Variants in TC2N observed in about 807,000 individuals in gnomAD.
TC2N encodes the protein tandem C2 domains, nuclear, also known as tandem C2 domains nuclear protein.
A neutral mutation model predicts 61.9 loss-of-function variants in TC2N; 51 were observed. The observed-to-expected ratio is 0.82, with a 90% CI of 0.66 to 1.04. The LOEUF (loss-of-function observed/expected upper bound fraction) is 1.04. Among genes scored for constraint, TC2N ranks in the 50% least tolerant of loss-of-function variants. The probability of loss-of-function intolerance (pLI) is 0.00; values close to 1 mark genes in which losing one functional copy is unlikely to be tolerated. For missense variants in TC2N, 556 were observed against 566.7 expected (o/e 0.98, Z 0.19); for synonymous variants, 204 against 192.6 (o/e 1.06, Z -0.49).
chr14:91,812,601 T>A, intron 2 of TC2N, 56 bp from the exon 3 acceptor site: 1 of 840,606 alleles, frequency 1.2e-6, no homozygotes, highest in South Asian at 1.8e-5. Context: ...CATATAATAA[T>A]CTAAACCTAG....
chr14:91,812,938 A>G (rs1323067047), intron 2 of TC2N, among the ~76,000 whole-genome samples: 1 of 151,842 alleles, frequency 6.6e-6, no homozygotes, highest in Non-Finnish European at 1.5e-5. Context: ...CGTAGCTTCT[A>G]TGACCCATTT....
At chr14:91,802,482 C>G in intron 3 of TC2N, 61 bp from the exon 4 acceptor site, 1 of 1,505,516 alleles carries the variant, frequency 6.6e-7, no homozygotes, top group Non-Finnish European at 9.1e-7. Context: ...TAGCCAACAG[C>G]TGGTACACCC....
chr14:91,781,601 C>T lies in TC2N; in HGVS notation c.*1499G>A, dbSNP rs1192824959. On this transcript the variant is annotated 3_prime_UTR_variant, in exon 12 of 12. Transcript: ENST00000435962. ...CAATTTTTAAAAGTTGTATTCGTCT[C>T]AGATTCAAAATATTATCACACAGGT... 6.6e-6 allele frequency: 1 copy of T among 152,084 alleles called. No homozygotes were observed. 9.4% of individuals were successfully genotyped at this position (152,084 alleles called of 1,614,324 possible).
At chr14:91,818,188 T>C (rs1405392870) in intron 1 of TC2N, among the ~76,000 whole-genome samples, 1 of 152,004 alleles carries the variant, frequency 6.6e-6, no homozygotes, top group Non-Finnish European at 1.5e-5. Flanking sequence ...CATAACAGAC[T>C]ACTGTAGAAT....
chr14:91,830,353 G>A (rs1208869414), intron 1 of TC2N, among the ~76,000 whole-genome samples: 1 of 152,148 alleles, frequency 6.6e-6, no homozygotes. Context: ...CCATATGATG[G>A]AATACTATTC....
chr14:91,813,780 T>G lies in TC2N; in HGVS notation c.-11A>C. 6.3e-7 allele frequency: 1 copy of G among 1,597,592 alleles called. No individual in the cohort carries two copies. The highest frequency in any genetic ancestry group is 8.6e-7 in the Non-Finnish European group (1 of 1,166,786). On this transcript the variant is annotated 5_prime_UTR_variant, in exon 2 of 12. Coordinates refer to ENST00000435962, the MANE Select transcript of TC2N (RefSeq NM_001128596.3). ...AAATTCTGTTGCCATTACATTCAAT[T>G]TCCAATATCCAGCAAAAGACACAAA...
chr14:91,840,640 A>G (rs544005443), intron 1 of TC2N, among the ~76,000 whole-genome samples: 34 of 152,302 alleles, frequency 2.2e-4, no homozygotes, highest in Middle Eastern at 6.8e-3. Context: ...TGTTACTCAA[A>G]GTCTAGTATA....
intron 5 of TC2N, among the ~76,000 whole-genome samples, chr14:91,800,006 C>T (rs901695371): frequency 3.3e-5 from 5 of 152,114 alleles, no homozygotes; most frequent in African/African-American, 1.2e-4. Flanking sequence ...TTTAATTACA[C>T]CATTTTAAAT....
chr14:91,829,433 T>A (rs1887649511), intron 1 of TC2N, among the ~76,000 whole-genome samples: 1 of 152,160 alleles, frequency 6.6e-6, no homozygotes, highest in Non-Finnish European at 1.5e-5. Flanking sequence ...GTTCATTCAA[T>A]CTCTTTGTGG....
rs1885205732 is a variant in TC2N at position 91,783,179 on chromosome 14, T to G, written c.1394A>C (p.Glu465Ala). 3.1e-6 allele frequency: 5 copies of G among 1,610,982 alleles called. No individual in the cohort carries two copies. Among genetic ancestry groups the G allele is most frequent in the Non-Finnish European group, 3.4e-6 (4 of 1,177,810 alleles). Residue 465 changes from glutamate (E) to alanine (A), a missense_variant, in exon 12 of 12, where the codon GAA becomes GCA. Transcript: ENST00000435962. ...IWISEDSNNI[E>A]AVNQWKETVI... is the part of the protein sequence containing the mutation. Reference sequence around the variant, plus strand: ...TGTCTCTTTCCACTGGTTCACTGCTTCAATGTTATTACTGTCTTCACTTAT... The same window carrying G: ...TGTCTCTTTCCACTGGTTCACTGCTGCAATGTTATTACTGTCTTCACTTAT...
At chr14:91,821,510 T>TATG (rs1265939304) in intron 1 of TC2N, among the ~76,000 whole-genome samples, 1 of 151,906 alleles carries the variant, frequency 6.6e-6, no homozygotes, top group Non-Finnish European at 1.5e-5. Context: ...CAAAACTGAT[T>TATG]ATGCACCTAT....
rs1396411688 is a variant in TC2N, at chr14:91,798,332, A to G, written c.705T>C (p.Ser235=). The stretch of plus-strand genomic sequence containing the variant: ...CTGTGATCCAGATCTGTTCTACTGA[A>G]GAATTATAAAACAATTTCACATTCA... ...GRLNVKLFYN[S]SVEQIWITVL... is the part of the protein sequence containing the mutation. The change falls in exon 7 of 12, where the codon TCT becomes TCC. Residue 235 remains serine, a synonymous_variant. Transcript: ENST00000435962. 1 of 1,592,584 alleles carries G rather than the reference A, an allele frequency of 6.3e-7. No individual in the cohort carries two copies. The highest frequency in any genetic ancestry group is 8.6e-7 in the Non-Finnish European group (1 of 1,166,460).
chr14:91,857,886 A>G (rs757086261), intron 1 of TC2N, among the ~76,000 whole-genome samples: 3 of 152,198 alleles, frequency 2.0e-5, no homozygotes, highest in Non-Finnish European at 4.4e-5. Context: ...AAAAGTGTTC[A>G]TGCAGGGATA....
At position 91,837,940 on chromosome 14, in the gene TC2N, T is replaced by C. The variant is rs979322930; in HGVS notation, c.-56-24115A>G. On this transcript the variant is annotated intron_variant, in intron 1 of 11. Transcript: ENST00000435962. The surrounding 1 kb of genome is among the most constrained non-coding windows in gnomAD (Gnocchi z 4.2). ...CACAAATGTTTGCAAAGTTGTGCAC[T>C]GTTCACACAAAACTTTCATGAGTCA... Among the ~76,000 whole-genome samples the C allele has an allele frequency of 6.6e-6, 1 of 152,212 alleles. No homozygotes were observed. The highest frequency in any genetic ancestry group is 1.5e-5 in the Non-Finnish European group (1 of 68,028).
chr14:91,823,836 G>T (rs913562401), intron 1 of TC2N, among the ~76,000 whole-genome samples: 4 of 152,090 alleles, frequency 2.6e-5, no homozygotes, highest in African/African-American at 9.7e-5. Context: ...TTAGCTATAT[G>T]ACCTTAAATC....
chr14:91,833,287 T>C (rs899735885), intron 1 of TC2N, among the ~76,000 whole-genome samples: 1 of 152,150 alleles, frequency 6.6e-6, no homozygotes, highest in South Asian at 2.1e-4. Context: ...GTACAAAACA[T>C]TAAAAATTCA....
chr14:91,781,518 C>G lies in TC2N; in HGVS notation c.*1582G>C, dbSNP rs1885131427. On this transcript the variant is annotated 3_prime_UTR_variant, in exon 12 of 12. Transcript: ENST00000435962. ...GGGGAGAAAGGAAATCTCTATCTTCCTCTCAATTTTTCTGTTAACCTACAA... is the reference window on the plus strand; with the variant it reads ...GGGGAGAAAGGAAATCTCTATCTTCGTCTCAATTTTTCTGTTAACCTACAA... The G allele has an allele frequency of 6.6e-6, 1 of 151,926 alleles. No individual in the cohort carries two copies. The highest frequency in any genetic ancestry group is 1.5e-5 in the Non-Finnish European group (1 of 67,914). The allele number at this position is 151,926 out of a possible 1,614,324, so 9.4% of individuals were successfully genotyped here.
chr14:91,806,868 G>C (rs1886531144), intron 3 of TC2N, among the ~76,000 whole-genome samples: 1 of 152,206 alleles, frequency 6.6e-6, no homozygotes, highest in African/African-American at 2.4e-5. Context: ...AGAGACCTTT[G>C]CAGCAAGCCC....
intron 1 of TC2N, among the ~76,000 whole-genome samples, chr14:91,825,419 G>T (rs1299760208): frequency 3.9e-5 from 6 of 152,162 alleles, no homozygotes; most frequent in Admixed American, 3.9e-4. Flanking sequence ...CAGAGAGCCA[G>T]CTAATAGGTT....
Sources: allele counts gnomAD v4.1 joint callset (sites outside exome capture counted in the v4.1 genomes callset), GRCh38; gene constraint gnomAD v4.1.1; non-coding constraint Gnocchi (gnomAD v3.1); transcripts MANE v1.5; gene names NCBI Gene and HGNC (gene_info 2026-07-23, HGNC 2026-07-21).